The following TAF1 variants were observed in gnomAD, a reference collection of about 807,000 sequenced individuals.
TAF1 encodes the protein transcription initiation factor TFIID subunit 1.
Under a neutral mutation model 138.5 loss-of-function variants are expected in TAF1, and 2 were observed. The ratio of observed to expected loss-of-function variants is 0.01; its 90% confidence interval spans 0.01 to 0.05. The LOEUF is 0.05. TAF1 is among the 10% of genes least tolerant of loss of function. The probability of loss-of-function intolerance (pLI) is 1.00; values close to 1 mark genes in which losing one functional copy is unlikely to be tolerated. For missense variants in TAF1, 709 were observed against 1,478.0 expected (o/e 0.48, Z 8.53); for synonymous variants, 437 against 503.2 (o/e 0.87, Z 1.76).
rs200177996 is a variant in TAF1, at chrX:71,381,799, A to G, written c.1417A>G (p.Asn473Asp). 8.3e-6 allele frequency: 10 copies of G among 1,207,946 alleles called. No individual in the cohort carries two copies. Among genetic ancestry groups the G allele is most frequent in the Non-Finnish European group, 1.1e-5 (10 of 894,224 alleles). ...KPWYSIFPIDNEDLVYGRWED... is the reference protein window; with the variant it reads ...KPWYSIFPIDDEDLVYGRWED... ...TTGGTACTCCATTTTTCCCATTGAC[A>G]ATGAGGATCTGGTATATGGACGCTG... Residue 473 changes from asparagine (N) to aspartate (D), a missense_variant, in exon 9 of 38, where the codon AAT becomes GAT. Asn to Asp is a conservative substitution (Grantham distance 23). Transcript: ENST00000423759.
intron 32 of TAF1, among the ~76,000 whole-genome samples, chrX:71,425,674 A>G (rs2036555874): frequency 9.0e-6 from 1 of 111,466 alleles, no homozygotes; most frequent in African/African-American, 3.3e-5. Context: ...AGTAAAGTGC[A>G]GCTTGACAAG....
At chrX:71,455,885 A>G (rs771541037) in intron 34 of TAF1, among the ~76,000 whole-genome samples, 22 of 111,430 alleles carry the variant, frequency 2.0e-4, no homozygotes, top group Non-Finnish European at 3.6e-4. Flanking sequence ...TGCTGTCTCT[A>G]TATCTCGTTC....
chrX:71,443,658 T>G (rs1200843899), intron 32 of TAF1, among the ~76,000 whole-genome samples: 1 of 111,958 alleles, frequency 8.9e-6, no homozygotes, highest in East Asian at 2.8e-4. Flanking sequence ...CTTTATTTCT[T>G]TCTCTGGCCT....
At chrX:71,450,072 C>CT (rs1253995731) in intron 32 of TAF1, among the ~76,000 whole-genome samples, 4 of 112,384 alleles carry the variant, frequency 3.6e-5, no homozygotes, top group Middle Eastern at 4.6e-3. Flanking sequence ...ACACCCGGCT[C>CT]TAAATATCTT....
At chrX:71,382,718 G>A (rs764010155) in intron 10 of TAF1, 43 bp from the exon 11 acceptor site, 7 of 1,202,396 alleles carry the variant, frequency 5.8e-6, no homozygotes, top group Non-Finnish European at 7.8e-6. Context: ...AGGTAATAGA[G>A]AAGGATAGTC....
At chrX:71,527,300 T>G (rs2040014550) in intron 13 of TAF1, among the ~76,000 whole-genome samples, 1 of 105,805 alleles carries the variant, frequency 9.5e-6, no homozygotes, top group South Asian at 4.3e-4. Flanking sequence ...GCAGGAGAAT[T>G]GCTTGAACCT....
intron 24 of TAF1, among the ~76,000 whole-genome samples, chrX:71,400,526 C>G (rs745791938): frequency 3.9e-4 from 44 of 111,815 alleles, no homozygotes; most frequent in Non-Finnish European, 7.3e-4. Context: ...TTTTCCATAA[C>G]TTAGGATCAC....
intron 13 of TAF1, among the ~76,000 whole-genome samples, chrX:71,503,350 A>ATATATATATGTGTG (rs1569408607): frequency 4.0e-5 from 4 of 100,704 alleles, no homozygotes; most frequent in African/African-American, 1.5e-4. Context: ...ATATGTGTAT[A>ATATATATATGTGTG]TATATATATA....
Position 71,442,270 on chromosome X carries a change from A to G in TAF1, c.4754-11900A>G, listed in dbSNP as rs769210683. Among the ~76,000 whole-genome samples, 55 of 112,549 alleles carry G rather than the reference A, an allele frequency of 4.9e-4. 1 individual carries two copies. Among genetic ancestry groups the G allele is most frequent in the African/African-American group, 1.7e-3 (52 of 31,013 alleles). ...TCTTCCACAATGATTGAACTGGTTT[A>G]CATTCCCACCAACAGTGTAAAAGTG... On this transcript the variant is annotated intron_variant, in intron 32 of 37. Transcript: ENST00000423759.
At chrX:71,466,670 G>C (rs1458626061), downstream of TAF1, among the ~76,000 whole-genome samples, 1 of 111,607 alleles carries the variant, frequency 9.0e-6, no homozygotes, top group African/African-American at 3.3e-5. Context: ...GAGCCACCGC[G>C]CCCAGCCAAG....
chrX:71,417,942 A>G (rs1269940141), intron 28 of TAF1, among the ~76,000 whole-genome samples: 1 of 112,115 alleles, frequency 8.9e-6, no homozygotes, highest in Non-Finnish European at 1.9e-5. Context: ...AGTGCTATTC[A>G]GTCAGTTCAA....
At chrX:71,390,455 C>T (rs1323157427) in intron 18 of TAF1, among the ~76,000 whole-genome samples, 1 of 111,810 alleles carries the variant, frequency 8.9e-6, no homozygotes. Flanking sequence ...GGACTTTTCC[C>T]CTCATTCCAC....
At chrX:71,454,881 C>G (rs2038210987) in intron 34 of TAF1, 24 bp downstream of exon 34, 2 of 1,203,477 alleles carry the variant, frequency 1.7e-6, no homozygotes, top group Non-Finnish European at 2.2e-6. Context: ...CTAAGTACTT[C>G]CTCATATAGT....
chrX:71,502,105 G>C (rs1378635913), intron 13 of TAF1, among the ~76,000 whole-genome samples: 4 of 111,711 alleles, frequency 3.6e-5, no homozygotes, highest in Non-Finnish European at 3.8e-5. Flanking sequence ...TGAGCAGGTT[G>C]CTGCTACTGG....
intron 26 of TAF1, among the ~76,000 whole-genome samples, chrX:71,407,181 G>T (rs1344663304): frequency 9.4e-6 from 1 of 106,600 alleles, no homozygotes; most frequent in Non-Finnish European, 1.9e-5. Context: ...CTCCCAAAGT[G>T]CTGGGATTAC....
At chrX:71,518,358 C>T (rs1266000209) in intron 13 of TAF1, among the ~76,000 whole-genome samples, 6 of 109,092 alleles carry the variant, frequency 5.5e-5, no homozygotes, top group South Asian at 4.0e-4. Context: ...TTAGTAGAGA[C>T]GGGGTTTCAC....
intron 32 of TAF1, among the ~76,000 whole-genome samples, chrX:71,452,166 C>G (rs1305684673): frequency 9.2e-6 from 1 of 109,101 alleles, no homozygotes; most frequent in Non-Finnish European, 1.9e-5. Flanking sequence ...GGGCTGACCC[C>G]CCCACCTCCC....
At position 71,515,721 on chromosome X, in the gene TAF1, G is replaced by T. The variant is rs747128403; in HGVS notation, c.1367-12821G>T. 2.7e-5 allele frequency among the ~76,000 whole-genome samples: 3 copies of T among 111,428 alleles called. No individual in the cohort carries two copies. The East Asian group carries it at 8.4e-4, about 31-fold the overall frequency. On this transcript the variant is annotated intron_variant and NMD_transcript_variant, in intron 13 of 14. Coordinates refer to the TAF1 transcript ENST00000373775. ...GGTTACTCATTGCTGTTTGTAGTAG[G>T]CAAAATTCTAAGATGATCCCCAATA...
intron 18 of TAF1, among the ~76,000 whole-genome samples, chrX:71,391,349 G>A (rs2034553866): frequency 9.0e-6 from 1 of 110,965 alleles, no homozygotes; most frequent in African/African-American, 3.3e-5. Flanking sequence ...CTTGAGGTTG[G>A]AATGAAAAAT....
Sources: allele counts gnomAD v4.1 joint callset (sites outside exome capture counted in the v4.1 genomes callset), GRCh38; gene constraint gnomAD v4.1.1; transcripts MANE v1.5; gene names NCBI Gene and HGNC (gene_info 2026-07-23, HGNC 2026-07-21).